The following SLC44A5 variants were observed in gnomAD, a reference collection of about 807,000 sequenced individuals.
SLC44A5 encodes the protein solute carrier family 44 member 5, also known as choline transporter-like protein 5.
In SLC44A5, 57 loss-of-function variants were observed where a neutral mutation model predicts 101.8. The observed-to-expected ratio is 0.56, with a 90% CI of 0.45 to 0.70. SLC44A5 has a LOEUF of 0.70. Among genes scored for constraint, SLC44A5 ranks in the 30% least tolerant of loss-of-function variants. SLC44A5 has a pLI of 0.00. For synonymous variants in SLC44A5, 281 were observed against 290.9 expected, an observed-to-expected ratio of 0.97 and a Z score of 0.35; for missense variants, 737 against 853.1, an observed-to-expected ratio of 0.86 and a Z score of 1.70.
intron 5 of SLC44A5, among the ~76,000 whole-genome samples, chr1:75,283,470 A>G (rs1652787159): frequency 6.6e-6 from 1 of 151,890 alleles, no homozygotes; most frequent in South Asian, 2.1e-4. Context: ...TCTGCTGATT[A>G]TTTCTTTTTC....
chr1:75,219,422 C>A, intron 15 of SLC44A5, 78 bp from the exon 16 acceptor site: 1 of 922,700 alleles, frequency 1.1e-6, no homozygotes, highest in Non-Finnish European at 1.8e-6. Flanking sequence ...ACTGACAACT[C>A]AAAAGTGCAT....
At chr1:75,343,333 CAAACCAGA>C (rs1259948138) in intron 3 of SLC44A5, among the ~76,000 whole-genome samples, 15 of 152,010 alleles carry the variant, frequency 9.9e-5, no homozygotes, top group Admixed American at 3.3e-4. Context: ...ATGCAATTTC[CAAACCAGA>C]AATAATTCAT....
At chr1:75,280,478 GTATATATTA>G (rs1173326565) in intron 5 of SLC44A5, among the ~76,000 whole-genome samples, 3 of 100,306 alleles carry the variant, frequency 3.0e-5, no homozygotes, top group South Asian at 2.8e-4. Flanking sequence ...ATATATAATT[GTATATATTA>G]TATATATTAT....
chr1:75,274,647 C>T (rs1144297), intron 6 of SLC44A5, among the ~76,000 whole-genome samples: 51,968 of 151,886 alleles, frequency 0.34, 10,539 homozygotes, highest in East Asian at 0.85. Flanking sequence ...TTCTAATAGC[C>T]CATTTATAAG....
chr1:75,320,458 A>C (rs1292488984), intron 4 of SLC44A5, among the ~76,000 whole-genome samples: 1 of 152,178 alleles, frequency 6.6e-6, no homozygotes, highest in African/African-American at 2.4e-5. Context: ...TTTATTTGCA[A>C]AAAAACCAAA....
At chr1:75,604,367 T>C (rs144172533) in intron 1 of SLC44A5, among the ~76,000 whole-genome samples, 1 of 152,272 alleles carries the variant, frequency 6.6e-6, no homozygotes, top group East Asian at 1.9e-4. Context: ...GTTCCATTGG[T>C]CTATGTGTCT....
chr1:75,262,411 A>T (rs913849276), intron 6 of SLC44A5, among the ~76,000 whole-genome samples: 1 of 152,216 alleles, frequency 6.6e-6, no homozygotes, highest in South Asian at 2.1e-4. Flanking sequence ...AATACCTAGG[A>T]ATCCAACTTA....
chr1:75,481,148 T>C lies in SLC44A5; in HGVS notation c.13+60287A>G, dbSNP rs541571173. On this transcript the variant is annotated intron_variant, in intron 2 of 23. Coordinates refer to ENST00000370859, the MANE Select transcript of SLC44A5 (RefSeq NM_001130058.2). ...TGGCAAACCTGAGAAAAACAAGCAA[T>C]GGGGAAAGGATTCCCTGTTTAATAA... 4.3e-4 allele frequency among the ~76,000 whole-genome samples: 65 copies of C among 152,300 alleles called. No homozygotes were observed. In the East Asian group the frequency reaches 0.011, roughly 26 times the overall value.
At chr1:75,372,762 G>C (rs941980806) in intron 3 of SLC44A5, among the ~76,000 whole-genome samples, 1 of 152,138 alleles carries the variant, frequency 6.6e-6, no homozygotes, top group Non-Finnish European at 1.5e-5. Context: ...TTTAAAATTT[G>C]ACATTGGAAA....
chr1:75,280,958 C>T (rs973821042), intron 5 of SLC44A5, among the ~76,000 whole-genome samples: 2 of 151,958 alleles, frequency 1.3e-5, no homozygotes, highest in African/African-American at 4.8e-5. Flanking sequence ...TAAATTGGTA[C>T]AGGAATGGGG....
intron 4 of SLC44A5, among the ~76,000 whole-genome samples, chr1:75,322,611 A>T (rs1656250646): frequency 6.6e-6 from 1 of 152,124 alleles, no homozygotes; most frequent in African/African-American, 2.4e-5. Flanking sequence ...TTTGAGGCAA[A>T]TCTTGGATTT....
intron 3 of SLC44A5, among the ~76,000 whole-genome samples, chr1:75,394,156 G>A (rs890250153): frequency 6.6e-6 from 1 of 152,160 alleles, no homozygotes; most frequent in Non-Finnish European, 1.5e-5. Flanking sequence ...GGAAACCCAG[G>A]AGAGTGTGGT....
intron 4 of SLC44A5, among the ~76,000 whole-genome samples, chr1:75,331,415 A>G (rs1174256425): frequency 6.6e-6 from 1 of 151,976 alleles, no homozygotes; most frequent in Non-Finnish European, 1.5e-5. Flanking sequence ...TTCACATCCA[A>G]TCCCATCAGT....
At chr1:75,449,426 G>A (rs1570313021) in intron 2 of SLC44A5, among the ~76,000 whole-genome samples, 1 of 152,166 alleles carries the variant, frequency 6.6e-6, no homozygotes, top group South Asian at 2.1e-4. Flanking sequence ...ATCTCCCTCA[G>A]GTAAGAATCT....
At chr1:75,546,556 A>T (rs1032053700) in intron 1 of SLC44A5, among the ~76,000 whole-genome samples, 1 of 152,190 alleles carries the variant, frequency 6.6e-6, no homozygotes, top group Non-Finnish European at 1.5e-5. Context: ...CTATTTTTAA[A>T]TTTTAATCGC....
intron 1 of SLC44A5, among the ~76,000 whole-genome samples, chr1:75,591,992 A>G (rs1222592522): frequency 6.6e-6 from 1 of 152,130 alleles, no homozygotes; most frequent in Middle Eastern, 3.2e-3. Flanking sequence ...CCCACTGTCA[A>G]CACTGTTATT....
At chr1:75,519,851 T>A (rs1005663108) in intron 2 of SLC44A5, among the ~76,000 whole-genome samples, 2 of 152,242 alleles carry the variant, frequency 1.3e-5, no homozygotes, top group Non-Finnish European at 2.9e-5. Flanking sequence ...AAGTAAGACA[T>A]CTCTTTGGAT....
At chr1:75,274,259 C>A (rs1210362915) in intron 6 of SLC44A5, among the ~76,000 whole-genome samples, 1 of 151,770 alleles carries the variant, frequency 6.6e-6, no homozygotes, top group Non-Finnish European at 1.5e-5. Flanking sequence ...GCAACCACCC[C>A]AGGTTTCCAC....
intron 1 of SLC44A5, among the ~76,000 whole-genome samples, chr1:75,604,849 A>C (rs1246804465): frequency 6.6e-6 from 1 of 151,788 alleles, no homozygotes; most frequent in Non-Finnish European, 1.5e-5. Flanking sequence ...TATGGTACTG[A>C]TTTTTGTACA....
Sources: allele counts gnomAD v4.1 joint callset (sites outside exome capture counted in the v4.1 genomes callset), GRCh38; gene constraint gnomAD v4.1.1; transcripts MANE v1.5; gene names NCBI Gene and HGNC (gene_info 2026-07-23, HGNC 2026-07-21).